Variants in MS4A6E observed in about 807,000 individuals in gnomAD.
MS4A6E encodes membrane spanning 4-domains A6E.
MS4A6E carries 8 observed loss-of-function variants against 13.2 expected under a neutral mutation model. That is an observed-to-expected ratio of 0.60 (90% CI 0.35 to 1.09). The LOEUF is 1.09. Ranked by LOEUF, MS4A6E falls within the 50% of genes least tolerant of loss-of-function variation. The pLI, the probability that MS4A6E is intolerant of heterozygous loss-of-function variation, is 0.02. For missense variants in MS4A6E, 177 were observed against 171.1 expected (o/e 1.03, Z -0.19); for synonymous variants, 72 against 67.6 (o/e 1.06, Z -0.32).
At position 60,327,586 on chromosome 11, in the gene MS4A6E, C is replaced by T. The variant is rs528671711; in HGVS notation, c.-15+178C>T. ...TGGGTAGAGGCTAGTCTCTAACAGA[C>T]GATTCTGGTAAGGACTAAGAAGAAG... On this transcript the variant is annotated intron_variant, in intron 1 of 4. Transcript: ENST00000684409. 1.2e-3 allele frequency among the ~76,000 whole-genome samples: 180 copies of T among 152,146 alleles called. 1 individual carries two copies. Among genetic ancestry groups the T allele is most frequent in the African/African-American group, 4.2e-3 (173 of 41,516 alleles).
intron 4 of MS4A6E, among the ~76,000 whole-genome samples, chr11:60,348,068 G>A (rs2085263650): frequency 6.6e-6 from 1 of 152,148 alleles, no homozygotes; most frequent in South Asian, 2.1e-4. Context: ...AGGCAGAAGA[G>A]GTTTCTTTAA....
downstream of MS4A6E, among the ~76,000 whole-genome samples, chr11:60,344,386 C>G (rs2085246689): frequency 6.6e-6 from 1 of 152,130 alleles, no homozygotes; most frequent in South Asian, 2.1e-4. Context: ...GCTTCCTATT[C>G]TTTGGGTTTG....
chr11:60,334,417 TA>T (rs1362203588), intron 1 of MS4A6E, among the ~76,000 whole-genome samples: 1 of 152,150 alleles, frequency 6.6e-6, no homozygotes, highest in Non-Finnish European at 1.5e-5. Flanking sequence ...TTTCAAATAT[TA>T]AAAGCACTGC....
chr11:60,337,667 A>G (rs553441905), intron 2 of MS4A6E, 74 bp from the exon 3 acceptor site: 6 of 1,566,340 alleles, frequency 3.8e-6, no homozygotes, highest in East Asian at 2.2e-5. Flanking sequence ...ATAACTTGCA[A>G]TGTAATGGCA....
At chr11:60,342,425 G>A (rs1029482710), downstream of MS4A6E, among the ~76,000 whole-genome samples, 2 of 152,206 alleles carry the variant, frequency 1.3e-5, no homozygotes, top group South Asian at 4.2e-4. Context: ...CTAAAAGAAA[G>A]AAGAGTGCTT....
At chr11:60,330,714 T>C (rs1278345342) in intron 1 of MS4A6E, among the ~76,000 whole-genome samples, 3 of 152,338 alleles carry the variant, frequency 2.0e-5, no homozygotes, top group South Asian at 2.1e-4. Flanking sequence ...TGAATGGTAT[T>C]GCCTAGGTTT....
At chr11:60,335,167 T>C in intron 2 of MS4A6E, 125 bp downstream of exon 2, 1 of 1,333,086 alleles carries the variant, frequency 7.5e-7, no homozygotes, top group Non-Finnish European at 1.0e-6. Flanking sequence ...GACTTTGGGG[T>C]AGAAGCCACT....
chr11:60,348,808 T>G (rs1473380828), intron 4 of MS4A6E, among the ~76,000 whole-genome samples: 5 of 152,240 alleles, frequency 3.3e-5, no homozygotes, highest in Admixed American at 2.0e-4. Context: ...CATCTGAGAC[T>G]TGAGAACAGC....
At chr11:60,342,198 AGAGGGGGG>A (rs1355644981), downstream of MS4A6E, among the ~76,000 whole-genome samples, 6 of 112,604 alleles carry the variant, frequency 5.3e-5, no homozygotes, top group African/African-American at 1.6e-4. Context: ...AGAGAGAGAG[AGAGGGGGG>A]GGGAGAGAAA....
downstream of MS4A6E, among the ~76,000 whole-genome samples, chr11:60,343,192 T>C (rs1337556557): frequency 6.6e-6 from 1 of 152,184 alleles, no homozygotes. Flanking sequence ...AATATGAGTA[T>C]TAAGATTACC....
downstream of MS4A6E, among the ~76,000 whole-genome samples, chr11:60,344,875 C>T (rs1161417330): frequency 6.6e-6 from 1 of 151,950 alleles, no homozygotes; most frequent in Non-Finnish European, 1.5e-5. Context: ...GGATGATAAC[C>T]TGCTAATTTC....
intron 3 of MS4A6E, chr11:60,338,535 C>A (rs1399999356): frequency 6.6e-6 from 1 of 152,394 alleles, no homozygotes; most frequent in Admixed American, 6.5e-5. Flanking sequence ...TATCTTAAAT[C>A]AGGAGATAAG....
chr11:60,335,847 C>T (rs2135059723), intron 2 of MS4A6E, among the ~76,000 whole-genome samples: 1 of 152,292 alleles, frequency 6.6e-6, no homozygotes, highest in South Asian at 2.1e-4. Flanking sequence ...TTCAGTTATA[C>T]ATGAGAACAT....
intron 1 of MS4A6E, among the ~76,000 whole-genome samples, chr11:60,331,481 CTTTTGT>C (rs1219689270): frequency 1.3e-5 from 2 of 152,020 alleles, no homozygotes; most frequent in Non-Finnish European, 2.9e-5. Flanking sequence ...ATGACACTGA[CTTTTGT>C]TTTTGTTTTT....
intron 3 of MS4A6E, among the ~76,000 whole-genome samples, chr11:60,338,951 T>A (rs138075091): frequency 2.0e-5 from 3 of 152,326 alleles, no homozygotes; most frequent in Non-Finnish European, 4.4e-5. Flanking sequence ...GGAGAGAAAT[T>A]TGGGAGAAAT....
chr11:60,335,496 TA>T (rs1432243214), intron 2 of MS4A6E: 2 of 444,468 alleles, frequency 4.5e-6, no homozygotes, highest in Admixed American at 5.1e-5. Context: ...AAATGATATT[TA>T]CCTTTTATTT....
At chr11:60,329,567 C>T (rs12799384) in intron 1 of MS4A6E, among the ~76,000 whole-genome samples, 52,940 of 151,978 alleles carry the variant, frequency 0.35, 9,859 homozygotes, top group East Asian at 0.41. Context: ...GGAATCACCA[C>T]ACTGTCTTCC....
downstream of MS4A6E, among the ~76,000 whole-genome samples, chr11:60,345,271 AAAGT>A (rs112632976): frequency 1.3e-5 from 2 of 152,318 alleles, no homozygotes; most frequent in African/African-American, 4.8e-5. Flanking sequence ...TAGCAGTAAG[AAAGT>A]GTCTTTCCTT....
At chr11:60,331,771 A>G (rs2085157477) in intron 1 of MS4A6E, among the ~76,000 whole-genome samples, 2 of 152,216 alleles carry the variant, frequency 1.3e-5, no homozygotes, top group African/African-American at 4.8e-5. Context: ...AAGTGATGGT[A>G]TTAAAAAGTG....
Sources: allele counts gnomAD v4.1 joint callset (sites outside exome capture counted in the v4.1 genomes callset), GRCh38; gene constraint gnomAD v4.1.1; transcripts MANE v1.5; gene names NCBI Gene and HGNC (gene_info 2026-07-23, HGNC 2026-07-21).